The following OSTM1 variants were observed in gnomAD, a reference collection of about 807,000 sequenced individuals.
The protein encoded by OSTM1 is osteoclastogenesis associated transmembrane protein 1.
In OSTM1, 26 loss-of-function variants were observed where a neutral mutation model predicts 35.4. The observed-to-expected ratio is 0.73, with a 90% CI of 0.54 to 1.02. The LOEUF (loss-of-function observed/expected upper bound fraction) is 1.02, where lower values mean the gene tolerates loss of function less well. OSTM1 is among the 50% of genes least tolerant of loss of function. The pLI is 0.00. For missense variants in OSTM1, 366 were observed against 409.6 expected, an observed-to-expected ratio of 0.89 and a Z score of 0.92; for synonymous variants, 181 against 165.0, an observed-to-expected ratio of 1.10 and a Z score of -0.75.
chr6:108,052,069 G>C (rs1013610186), intron 3 of OSTM1, among the ~76,000 whole-genome samples: 1 of 152,142 alleles, frequency 6.6e-6, no homozygotes, highest in South Asian at 2.1e-4. Flanking sequence ...GAAAAACTAA[G>C]TCTCTCCTTA....
intron 1 of OSTM1, among the ~76,000 whole-genome samples, chr6:108,072,371 C>T (rs965575346): frequency 1.3e-5 from 2 of 152,122 alleles, no homozygotes; most frequent in African/African-American, 4.8e-5. Context: ...TGGTGGCTCA[C>T]ACCTGTAATC....
In OSTM1 at chr6:108,074,694, G is replaced by T. The variant is rs899096898; in HGVS notation, c.-43C>A. 6.7e-7 allele frequency: 1 copy of T among 1,484,938 alleles called. No individual in the cohort carries two copies. The highest frequency in any genetic ancestry group is 8.9e-7 in the Non-Finnish European group (1 of 1,124,560). 92.0% of individuals were successfully genotyped at this position (1,484,938 alleles called of 1,614,324 possible). A position where few individuals can be genotyped will look rare whatever the true frequency, so the allele number is the denominator to read the frequency against. On this transcript the variant is annotated 5_prime_UTR_variant, in exon 1 of 6. Coordinates refer to ENST00000193322, the MANE Select transcript of OSTM1 (RefSeq NM_014028.4). Reference sequence around the variant, plus strand: ...CCAGGGAGCCCACCGCCGCCTCTCCGCCCCCAGCCGGCACCGCGGACAGCC... The same window carrying T: ...CCAGGGAGCCCACCGCCGCCTCTCCTCCCCCAGCCGGCACCGCGGACAGCC...
chr6:108,067,828 TA>T (rs60932026), intron 1 of OSTM1, among the ~76,000 whole-genome samples: 11,641 of 77,552 alleles, frequency 0.15, 1,279 homozygotes, highest in African/African-American at 0.38. Flanking sequence ...AGCCTCTGTC[TA>T]AAAAAAAAAA....
At chr6:108,072,654 GA>G (rs5878960) in intron 1 of OSTM1, among the ~76,000 whole-genome samples, 238 of 130,222 alleles carry the variant, frequency 1.8e-3, no homozygotes, top group African/African-American at 5.2e-3. Flanking sequence ...AAAGAAAAAA[GA>G]AAAAAAAAAA....
intron 1 of OSTM1, among the ~76,000 whole-genome samples, chr6:108,071,738 A>G (rs1477773465): frequency 1.3e-5 from 2 of 152,126 alleles, no homozygotes; most frequent in Non-Finnish European, 2.9e-5. Flanking sequence ...ATCCAGCTCT[A>G]CTGGGGAAAT....
chr6:108,064,655 C>T (rs1159564253), intron 1 of OSTM1, among the ~76,000 whole-genome samples: 1 of 152,140 alleles, frequency 6.6e-6, no homozygotes, highest in Non-Finnish European at 1.5e-5. Context: ...TTCCTTCGTG[C>T]CCCAAGCAAG....
intron 4 of OSTM1, among the ~76,000 whole-genome samples, chr6:108,050,115 T>A (rs1426098271): frequency 1.3e-5 from 2 of 152,184 alleles, no homozygotes; most frequent in Admixed American, 6.5e-5. Context: ...GACCATTCAA[T>A]TAATACATGT....
At chr6:108,069,085 G>A (rs964245410) in intron 1 of OSTM1, among the ~76,000 whole-genome samples, 6 of 152,096 alleles carry the variant, frequency 3.9e-5, no homozygotes, top group Admixed American at 3.9e-4. Context: ...CTACCCCCCA[G>A]TCATACTCAA....
chr6:108,068,987 C>G (rs1431582060), intron 1 of OSTM1, among the ~76,000 whole-genome samples: 1 of 152,122 alleles, frequency 6.6e-6, no homozygotes, highest in Non-Finnish European at 1.5e-5. Flanking sequence ...AGTCTTCATG[C>G]CTGCTATTTC....
chr6:108,070,404 T>C (rs1408801709), intron 1 of OSTM1, among the ~76,000 whole-genome samples: 3 of 152,212 alleles, frequency 2.0e-5, no homozygotes, highest in African/African-American at 4.8e-5. Context: ...GTACAATTTA[T>C]AACACTCACT....
intron 1 of OSTM1, among the ~76,000 whole-genome samples, chr6:108,071,484 T>G (rs1237878497): frequency 2.4e-5 from 3 of 125,784 alleles, no homozygotes; most frequent in African/African-American, 8.8e-5. Context: ...TTTTTTTTTT[T>G]GTATTTTTAG....
chr6:108,046,019 G>T (rs1028548987), intron 5 of OSTM1, among the ~76,000 whole-genome samples: 15 of 151,344 alleles, frequency 9.9e-5, no homozygotes, highest in African/African-American at 3.6e-4. Context: ...TATTTTTTTT[G>T]AGACGGACTC....
intron 3 of OSTM1, among the ~76,000 whole-genome samples, chr6:108,052,405 C>G (rs1195573871): frequency 6.6e-6 from 1 of 150,540 alleles, no homozygotes; most frequent in East Asian, 1.9e-4. Flanking sequence ...TGCACTCTAG[C>G]CCGGGTGACA....
At position 108,059,848 on chromosome 6, in the gene OSTM1, T is replaced by C. The variant is rs117088911; in HGVS notation, c.517+4337A>G. 3.6e-3 allele frequency among the ~76,000 whole-genome samples: 555 copies of C among 152,296 alleles called. 2 individuals carry two copies. The highest frequency in any genetic ancestry group is 5.5e-3 in the Non-Finnish European group (377 of 68,010). Reference sequence around the variant, plus strand: ...CTTTTCTGCCACATAAATGGGATGATGAATGATGATAATTTTTAATGCGTA... The same window carrying C: ...CTTTTCTGCCACATAAATGGGATGACGAATGATGATAATTTTTAATGCGTA... On this transcript the variant is annotated intron_variant, in intron 2 of 5. Transcript: ENST00000193322.
intron 2 of OSTM1, 78 bp from the exon 3 acceptor site, chr6:108,054,665 A>G (rs538635849): frequency 1.4e-4 from 96 of 708,126 alleles, no homozygotes; most frequent in South Asian, 7.9e-4. Flanking sequence ...TTAAGCTATC[A>G]GCTTCGTTTC....
At chr6:108,062,431 T>C (rs1159987306) in intron 2 of OSTM1, among the ~76,000 whole-genome samples, 3 of 152,244 alleles carry the variant, frequency 2.0e-5, no homozygotes, top group Non-Finnish European at 4.4e-5. Flanking sequence ...TTAATATTTT[T>C]GGACTGCAGT....
intron 2 of OSTM1, among the ~76,000 whole-genome samples, chr6:108,063,725 AATTATT>A (rs944577039): frequency 6.6e-6 from 1 of 152,178 alleles, no homozygotes; most frequent in African/African-American, 2.4e-5. Context: ...TAAACATCAT[AATTATT>A]ATTATACTAA....
intron 5 of OSTM1, among the ~76,000 whole-genome samples, chr6:108,048,478 T>C (rs1772017516): frequency 6.6e-6 from 1 of 152,218 alleles, no homozygotes. Flanking sequence ...GTATTGAGCA[T>C]ATACTATTAT....
At chr6:108,045,295 ACTGTG>A (rs1480935763) in intron 5 of OSTM1, among the ~76,000 whole-genome samples, 2 of 152,182 alleles carry the variant, frequency 1.3e-5, no homozygotes, top group African/African-American at 4.8e-5. Flanking sequence ...ATTATGCTTA[ACTGTG>A]AAAGACTGAA....
Sources: allele counts gnomAD v4.1 joint callset (sites outside exome capture counted in the v4.1 genomes callset), GRCh38; gene constraint gnomAD v4.1.1; transcripts MANE v1.5; gene names NCBI Gene and HGNC (gene_info 2026-07-23, HGNC 2026-07-21).